The following GABBR2 variants were observed in gnomAD, a reference collection of about 807,000 sequenced individuals.
GABBR2 encodes G-protein coupled receptor 51.
A neutral mutation model predicts 105.6 loss-of-function variants in GABBR2; 23 were observed. That is an observed-to-expected ratio of 0.22 (90% CI 0.16 to 0.31). The LOEUF is 0.31. Ranked by LOEUF, GABBR2 falls within the 10% of genes least tolerant of loss-of-function variation. GABBR2 has a pLI of 1.00. For missense variants in GABBR2, 734 were observed against 1,245.5 expected (o/e 0.59, Z 6.18); for synonymous variants, 478 against 499.7 (o/e 0.96, Z 0.58).
intron 13 of GABBR2, among the ~76,000 whole-genome samples, chr9:98,325,490 C>T (rs982071737): frequency 6.6e-6 from 1 of 151,986 alleles, no homozygotes; most frequent in African/African-American, 2.4e-5. Flanking sequence ...TGGGGTTTCC[C>T]CATGTTGGTC....
At chr9:98,396,963 G>A (rs1401960504) in intron 8 of GABBR2, among the ~76,000 whole-genome samples, 1 of 152,170 alleles carries the variant, frequency 6.6e-6, no homozygotes, top group Non-Finnish European at 1.5e-5. Flanking sequence ...TAATGCTCAT[G>A]GCAAACCATG....
At position 98,293,921 on chromosome 9, in the gene GABBR2, T is replaced by C. The variant is rs1230835801; in HGVS notation, c.2543-19A>G. 6.8e-6 allele frequency: 9 copies of C among 1,328,028 alleles called. No individual in the cohort carries two copies. Among genetic ancestry groups the C allele is most frequent in the Admixed American group, 1.7e-5 (1 of 58,924 alleles). 82.3% of individuals were successfully genotyped at this position (1,328,028 alleles called of 1,614,324 possible). ...CCTCCATCTGAATGCAAAACAACAATACCACAACATGTTCGGTTAACTTAG... is the reference window on the plus strand; with the variant it reads ...CCTCCATCTGAATGCAAAACAACAACACCACAACATGTTCGGTTAACTTAG... On this transcript the variant is annotated intron_variant, in intron 17 of 18. Transcript: ENST00000259455.
chr9:98,499,420 G>A (rs1429649540), intron 3 of GABBR2, among the ~76,000 whole-genome samples: 1 of 152,182 alleles, frequency 6.6e-6, no homozygotes, highest in East Asian at 1.9e-4. Context: ...CAGTTTCGGA[G>A]GCCCGATGAA....
At chr9:98,458,277 T>G (rs1826361003) in intron 6 of GABBR2, among the ~76,000 whole-genome samples, 1 of 152,262 alleles carries the variant, frequency 6.6e-6, no homozygotes, top group Admixed American at 6.5e-5. Flanking sequence ...GAGGTGAAAC[T>G]GGCAGACTTT....
chr9:98,451,072 C>A (rs746253868), intron 7 of GABBR2, among the ~76,000 whole-genome samples: 6 of 152,028 alleles, frequency 3.9e-5, no homozygotes, highest in Non-Finnish European at 8.8e-5. Context: ...TGGGTGAATC[C>A]CACCCCTTTC....
intron 1 of GABBR2, among the ~76,000 whole-genome samples, chr9:98,673,499 T>C (rs1185191385): frequency 6.6e-6 from 1 of 151,684 alleles, no homozygotes; most frequent in Non-Finnish European, 1.5e-5. Flanking sequence ...GAGGAGTAGA[T>C]GAAGGGAGAA....
intron 2 of GABBR2, among the ~76,000 whole-genome samples, chr9:98,576,647 G>T (rs1162524650): frequency 5.9e-5 from 9 of 152,156 alleles, no homozygotes; most frequent in Admixed American, 5.2e-4. Flanking sequence ...TGGGGATAAG[G>T]TACCTAAAGC....
At chr9:98,566,451 G>A (rs1393024015) in intron 2 of GABBR2, among the ~76,000 whole-genome samples, 9 of 152,166 alleles carry the variant, frequency 5.9e-5, no homozygotes, top group Admixed American at 2.6e-4. Context: ...CGAGGCGGGC[G>A]GATCATGAGG....
chr9:98,426,924 G>C (rs889347086), intron 7 of GABBR2, among the ~76,000 whole-genome samples: 1 of 152,154 alleles, frequency 6.6e-6, no homozygotes, highest in Admixed American at 6.5e-5. Context: ...AATTGCTTGA[G>C]CCGGGGAGGT....
intron 13 of GABBR2, among the ~76,000 whole-genome samples, chr9:98,322,644 TCTCAGCCATGAGTCAGTC>T (rs1174326840): frequency 1.4e-5 from 2 of 142,848 alleles, no homozygotes; most frequent in Admixed American, 7.0e-5. Context: ...CATCCCCCAG[TCTCAGCCATGAGTCAGTC>T]CATCATCTCT....
In GABBR2 at chr9:98,480,971, G is replaced by A; in HGVS notation, c.759C>T (p.Gly253=). 1 of 1,606,160 alleles carries A rather than the reference G, an allele frequency of 6.2e-7. No homozygotes were observed. The highest frequency in any genetic ancestry group is 8.5e-7 in the Non-Finnish European group (1 of 1,172,764). The change falls in exon 5 of 19, where the codon GGC becomes GGT. Residue 253 remains glycine (G), a synonymous_variant. Coordinates refer to ENST00000259455, the MANE Select transcript of GABBR2 (RefSeq NM_005458.8). ...LKGNDVRIIL[G]QFDQNMAAKV... is the part of the protein sequence containing the mutation. The stretch of plus-strand genomic sequence containing the variant: ...TTGCTGCCATATTCTGGTCAAACTG[G>A]CCAAGGATGATCCGCACATCATTCC...
intron 13 of GABBR2, among the ~76,000 whole-genome samples, chr9:98,333,420 G>A (rs573841696): frequency 1.7e-4 from 26 of 152,090 alleles, no homozygotes; most frequent in Non-Finnish European, 3.2e-4. Context: ...CAAGATGTCC[G>A]TTGGGCTGTG....
chr9:98,500,201 T>C (rs934375454), intron 3 of GABBR2, among the ~76,000 whole-genome samples: 5 of 152,252 alleles, frequency 3.3e-5, no homozygotes, highest in African/African-American at 7.2e-5. Flanking sequence ...AAGGAATAAC[T>C]CTTAATTCCC....
intron 2 of GABBR2, among the ~76,000 whole-genome samples, chr9:98,548,806 T>C (rs1452585110): frequency 1.6e-5 from 2 of 121,618 alleles, no homozygotes; most frequent in Non-Finnish European, 3.7e-5. Flanking sequence ...CTTAGGATTT[T>C]CTCAATCTAG....
intron 13 of GABBR2, among the ~76,000 whole-genome samples, chr9:98,342,575 C>T (rs956834040): frequency 4.6e-5 from 7 of 152,220 alleles, no homozygotes; most frequent in African/African-American, 1.2e-4. Context: ...GACCAACCAA[C>T]GGCCCCTGTG....
At chr9:98,610,119 G>A (rs117853494) in intron 1 of GABBR2, among the ~76,000 whole-genome samples, 1 of 152,266 alleles carries the variant, frequency 6.6e-6, no homozygotes, top group Non-Finnish European at 1.5e-5. Flanking sequence ...TCCTCCATCC[G>A]CCCCGCCTAG....
chr9:98,427,316 T>G (rs959703483), intron 7 of GABBR2, among the ~76,000 whole-genome samples: 1 of 152,212 alleles, frequency 6.6e-6, no homozygotes, highest in Non-Finnish European at 1.5e-5. Context: ...TCCCATTTAC[T>G]ATGGCTCTTC....
At chr9:98,543,934 G>A (rs1303482816) in intron 2 of GABBR2, among the ~76,000 whole-genome samples, 2 of 151,620 alleles carry the variant, frequency 1.3e-5, no homozygotes, top group Non-Finnish European at 2.9e-5. Flanking sequence ...CAGGTTTTAT[G>A]TCATATTTAA....
At chr9:98,293,664 T>C (rs1292326678) in intron 18 of GABBR2, 121 bp downstream of exon 18, 4 of 635,284 alleles carry the variant, frequency 6.3e-6, no homozygotes, top group East Asian at 2.6e-5. Context: ...GACTGCATCA[T>C]GGGATGGCTG....
Sources: gnomAD v4.1 joint callset for allele counts (sites outside exome capture counted in the v4.1 genomes callset) on GRCh38, gnomAD v4.1.1 for gene constraint, MANE v1.5 for transcripts, NCBI Gene and HGNC (gene_info 2026-07-23, HGNC 2026-07-21) for gene names.